Variants in FSTL5 observed in about 807,000 individuals in gnomAD.
The protein encoded by FSTL5 is follistatin like 5, also known as follistatin-related protein 5.
FSTL5 carries 62 observed loss-of-function variants against 89.1 expected under a neutral mutation model. The ratio of observed to expected loss-of-function variants is 0.70; its 90% CI spans 0.57 to 0.86. The LOEUF is 0.86. Ranked by LOEUF, FSTL5 falls within the 40% of genes least tolerant of loss-of-function variation. FSTL5 has a pLI of 0.00. For missense variants in FSTL5, 1,057 were observed against 1,001.6 expected (o/e 1.06, Z -0.75); for synonymous variants, 383 against 346.2 (o/e 1.11, Z -1.18).
intron 6 of FSTL5, among the ~76,000 whole-genome samples, chr4:161,670,594 G>C (rs979082303): frequency 5.3e-5 from 8 of 152,154 alleles, no homozygotes; most frequent in African/African-American, 1.9e-4. Flanking sequence ...TCAGCTAAAA[G>C]AGATTGCTAT....
In FSTL5 at chr4:161,384,794, T is replaced by G. The variant is rs75237162; in HGVS notation, c.*953A>C. ...TCCTAGGTGTTAATTTCCCTATATA[T>G]GGTTTACTTTAGCAGACAAAAGTAA... On this transcript the variant is annotated 3_prime_UTR_variant, in exon 16 of 16. Coordinates refer to ENST00000306100, the MANE Select transcript of FSTL5 (RefSeq NM_020116.5). 8,569 of 152,220 alleles carry G rather than the reference T, an allele frequency of 0.056. 263 individuals are homozygous for G. Among genetic ancestry groups the G allele is most frequent in the South Asian group, 0.098 (471 of 4,822 alleles). The allele number at this position is 152,220 out of a possible 1,614,324, so 9.4% of individuals were successfully genotyped here.
chr4:161,891,375 C>A (rs1008032758), intron 4 of FSTL5, among the ~76,000 whole-genome samples: 4 of 152,056 alleles, frequency 2.6e-5, no homozygotes, highest in African/African-American at 7.2e-5. Flanking sequence ...AAATGTTACT[C>A]TATTTGCAGG....
intron 6 of FSTL5, among the ~76,000 whole-genome samples, chr4:161,747,229 A>G (rs1740231833): frequency 6.6e-6 from 1 of 152,200 alleles, no homozygotes; most frequent in Non-Finnish European, 1.5e-5. Context: ...AGGTAAAATT[A>G]CATAAGTGAA....
rs115644490 is a variant in FSTL5, at chr4:161,453,820, C to T, written c.1841+1184G>A. Among the ~76,000 whole-genome samples the T allele has an allele frequency of 3.7e-3, 558 of 152,210 alleles. 3 individuals are homozygous for T. The highest frequency in any genetic ancestry group is 0.012 in the African/African-American group (505 of 41,536). On this transcript the variant is annotated intron_variant, in intron 15 of 15. Coordinates refer to ENST00000306100, the MANE Select transcript of FSTL5 (RefSeq NM_020116.5). ...TGTTGCCCAGGCTGGTTTCGAACTC[C>T]TGTACTCAAGCTACACCTCTGCCTT...
chr4:161,467,812 C>T (rs1026818541), intron 13 of FSTL5, among the ~76,000 whole-genome samples: 8 of 151,688 alleles, frequency 5.3e-5, no homozygotes, highest in South Asian at 2.1e-4. Flanking sequence ...TTATACGTGG[C>T]TGCAAAAAAG....
intron 7 of FSTL5, among the ~76,000 whole-genome samples, chr4:161,649,550 T>G (rs946866371): frequency 6.6e-6 from 1 of 152,130 alleles, no homozygotes; most frequent in Admixed American, 6.5e-5. Flanking sequence ...TGGTTAAATT[T>G]GAAATACAAT....
intron 11 of FSTL5, among the ~76,000 whole-genome samples, chr4:161,503,758 C>G (rs1030298977): frequency 8.6e-5 from 13 of 151,808 alleles, no homozygotes; most frequent in Non-Finnish European, 1.5e-5. Flanking sequence ...AATAACAGGG[C>G]CTAAAAAAGA....
At chr4:161,859,625 C>T (rs1731835787) in intron 4 of FSTL5, among the ~76,000 whole-genome samples, 1 of 152,134 alleles carries the variant, frequency 6.6e-6, no homozygotes, top group African/African-American at 2.4e-5. Flanking sequence ...CTATGTAAAA[C>T]GTAGAGTATT....
rs906419715 is a variant in FSTL5 at position 162,055,933 on chromosome 4, A to G, written c.127-22275T>C. ...AAAATAGACTTCTGCATCAAACAATACAGAATAATAATATTTAGTTCAAAG... is the reference window on the plus strand; with the variant it reads ...AAAATAGACTTCTGCATCAAACAATGCAGAATAATAATATTTAGTTCAAAG... On this transcript the variant is annotated intron_variant, in intron 2 of 15. Coordinates refer to ENST00000306100, the MANE Select transcript of FSTL5 (RefSeq NM_020116.5). Among the ~76,000 whole-genome samples the G allele has an allele frequency of 4.6e-5, 7 of 152,044 alleles. 1 individual carries two copies. Among genetic ancestry groups the G allele is most frequent in the African/African-American group, 1.7e-4 (7 of 41,494 alleles).
chr4:161,580,668 G>A (rs954499360), intron 8 of FSTL5, among the ~76,000 whole-genome samples: 1 of 152,086 alleles, frequency 6.6e-6, no homozygotes, highest in Non-Finnish European at 1.5e-5. Context: ...ACTGATTTGT[G>A]TCCCTCATTG....
At chr4:162,139,463 C>A (rs562376084) in intron 1 of FSTL5, among the ~76,000 whole-genome samples, 140 of 152,050 alleles carry the variant, frequency 9.2e-4, no homozygotes, top group African/African-American at 2.9e-3. Flanking sequence ...CCCACACACA[C>A]ACACACACAA....
In FSTL5 at chr4:161,656,443, G is replaced by A; in HGVS notation, c.779C>T (p.Ala260Val). Reference sequence around the variant, plus strand: ...CAGAACAGCACTTTGTCCCACAGTTGCTGCAGTGATGCTTAGTTTCTGATC... The same window carrying A: ...CAGAACAGCACTTTGTCCCACAGTTACTGCAGTGATGCTTAGTTTCTGATC... The part of the protein sequence containing the change: ...PEDQKLSITA[A>V]TVGQSAVLSC... Residue 260 changes from alanine to valine, a missense_variant, in exon 7 of 16, where the codon GCA becomes GTA. By Grantham distance (64) the Ala-to-Val change is moderately conservative. Transcript: ENST00000306100. 1 of 1,607,504 alleles carries A rather than the reference G, an allele frequency of 6.2e-7. No individual in the cohort carries two copies. Among genetic ancestry groups the A allele is most frequent in the Admixed American group, 1.7e-5 (1 of 59,046 alleles).
At chr4:161,570,665 G>A (rs1483096074) in intron 8 of FSTL5, among the ~76,000 whole-genome samples, 3 of 152,134 alleles carry the variant, frequency 2.0e-5, no homozygotes, top group Non-Finnish European at 4.4e-5. Flanking sequence ...TTTATCAAGT[G>A]TTTACAAACA....
chr4:161,971,024 G>T (rs1735467807), intron 3 of FSTL5, among the ~76,000 whole-genome samples: 1 of 148,962 alleles, frequency 6.7e-6, no homozygotes. Flanking sequence ...TTTTCATCTG[G>T]GTATATAAAT....
intron 2 of FSTL5, among the ~76,000 whole-genome samples, chr4:162,037,516 G>A (rs1397983735): frequency 6.6e-6 from 1 of 151,770 alleles, no homozygotes; most frequent in Non-Finnish European, 1.5e-5. Context: ...TCATAAATTT[G>A]TAACAATCTT....
intron 6 of FSTL5, among the ~76,000 whole-genome samples, chr4:161,738,874 C>G (rs1184255019): frequency 6.6e-6 from 1 of 152,140 alleles, no homozygotes; most frequent in Non-Finnish European, 1.5e-5. Context: ...GGTTAAATCA[C>G]TTGCACAATT....
chr4:161,480,878 T>C (rs982337832), intron 13 of FSTL5, 142 bp downstream of exon 13: 3 of 595,628 alleles, frequency 5.0e-6, no homozygotes, highest in Non-Finnish European at 8.8e-6. Context: ...AGAGAAGAGT[T>C]TGCAGAAAAT....
At chr4:161,844,904 A>T (rs1282896803) in intron 4 of FSTL5, among the ~76,000 whole-genome samples, 4 of 152,136 alleles carry the variant, frequency 2.6e-5, no homozygotes, top group African/African-American at 9.7e-5. Flanking sequence ...CAGGTTCTGC[A>T]CATGTATCCC....
At chr4:161,679,582 A>G (rs1737448128) in intron 6 of FSTL5, among the ~76,000 whole-genome samples, 1 of 151,896 alleles carries the variant, frequency 6.6e-6, no homozygotes, top group African/African-American at 2.4e-5. Flanking sequence ...GTAGAATACA[A>G]GTATAGAAAT....
Sources: gnomAD v4.1 joint callset for allele counts (sites outside exome capture counted in the v4.1 genomes callset) on GRCh38, gnomAD v4.1.1 for gene constraint, MANE v1.5 for transcripts, NCBI Gene and HGNC (gene_info 2026-07-23, HGNC 2026-07-21) for gene names.